Variants in INF2 observed in about 807,000 individuals in gnomAD.
INF2 encodes the protein inverted formin-2.
A neutral mutation model predicts 123.5 loss-of-function variants in INF2; 43 were observed. The observed-to-expected ratio is 0.35, with a 90% confidence interval of 0.27 to 0.45. INF2 has a LOEUF of 0.45. Among genes scored for constraint, INF2 ranks in the 20% least tolerant of loss-of-function variants. The pLI, the probability that INF2 is intolerant of heterozygous loss-of-function variation, is 1.00. For missense variants in INF2, 1,453 were observed against 1,682.7 expected, an observed-to-expected ratio of 0.86 and a Z score of 2.39; for synonymous variants, 851 against 745.0, an observed-to-expected ratio of 1.14 and a Z score of -2.32.
rs200540907 is a variant in INF2, at chr14:104,707,222, C to T, written c.986-31C>T. ...CCATCCCTCCCTCTCCGGCTCCCTTCTCCCTTGACCCTGGACATCCCCTAC... is the reference window on the plus strand; with the variant it reads ...CCATCCCTCCCTCTCCGGCTCCCTTTTCCCTTGACCCTGGACATCCCCTAC... On this transcript the variant is annotated intron_variant, in intron 7 of 22. Transcript: ENST00000392634. 18 of 1,588,246 alleles carry T rather than the reference C, an allele frequency of 1.1e-5. No homozygotes were observed. In the South Asian group the frequency reaches 1.7e-4, roughly 15 times the overall value.
chr14:104,705,908 C>T (rs1889757668), intron 5 of INF2, 127 bp from the exon 6 acceptor site: 2 of 1,200,714 alleles, frequency 1.7e-6, no homozygotes, highest in East Asian at 5.1e-5. Context: ...CCACAGCTGG[C>T]TATGGCCTGG....
upstream of INF2, among the ~76,000 whole-genome samples, chr14:104,689,061 C>T (rs1024691203): frequency 1.3e-5 from 2 of 152,230 alleles, no homozygotes; most frequent in Admixed American, 1.3e-4. Context: ...ACCGCCGAGA[C>T]CCCATCAAGG....
At chr14:104,682,318 C>T (rs4983526) in intron 1 of INF2, among the ~76,000 whole-genome samples, 14,843 of 152,204 alleles carry the variant, frequency 0.098, 1,189 homozygotes, top group East Asian at 0.3. Context: ...CCTTCCCACC[C>T]CTCCTCTGGA....
At position 104,707,108 on chromosome 14, in the gene INF2, A is replaced by G. The variant is rs572883370; in HGVS notation, c.985+57A>G. 5.9e-6 allele frequency: 9 copies of G among 1,533,616 alleles called. No individual in the cohort carries two copies. The South Asian group carries it at 8.3e-5, about 14-fold the overall frequency. Reference sequence around the variant, plus strand: ...CCTGGTGGGCAGACACTGAGGTCTTAGACCATGGGGGGGGGAGCCTGCCCT... The same window carrying G: ...CCTGGTGGGCAGACACTGAGGTCTTGGACCATGGGGGGGGGAGCCTGCCCT... On this transcript the variant is annotated intron_variant, in intron 7 of 22. Coordinates refer to ENST00000392634, the MANE Select transcript of INF2 (RefSeq NM_022489.4).
chr14:104,704,201 C>T (rs1889669167), intron 5 of INF2: 1 of 1,418,952 alleles, frequency 7.0e-7, no homozygotes, highest in African/African-American at 1.4e-5. Flanking sequence ...AGCTCATATC[C>T]TTTGCACACC....
In INF2 at chr14:104,699,584, G is replaced by T. The variant is rs1441754164; in HGVS notation, c.-9-1773G>T. On this transcript the variant is annotated intron_variant, in intron 1 of 22. Coordinates refer to ENST00000392634, the MANE Select transcript of INF2 (RefSeq NM_022489.4). This position sits in a 1 kb window ranked among gnomAD's most constrained non-coding sequence, Gnocchi z 4.7. ...GTGGGTGGGCAGAGGTGGCCGGAAGGTCTTGCGCATCTGGGTGAGTGGACG... is the reference window on the plus strand; with the variant it reads ...GTGGGTGGGCAGAGGTGGCCGGAAGTTCTTGCGCATCTGGGTGAGTGGACG... The T allele has an allele frequency of 1.0e-6, 1 of 985,128 alleles. No homozygotes were observed. The highest frequency in any genetic ancestry group is 1.2e-6 in the Non-Finnish European group (1 of 829,874). 61.0% of individuals were successfully genotyped at this position (985,128 alleles called of 1,614,324 possible). A position where few individuals can be genotyped will look rare whatever the true frequency, so the allele number is the denominator to read the frequency against.
At chr14:104,700,302 G>A (rs547979425) in intron 1 of INF2, among the ~76,000 whole-genome samples, 1 of 152,312 alleles carries the variant, frequency 6.6e-6, no homozygotes, top group South Asian at 2.1e-4. Context: ...CACCTGTTGT[G>A]GGAGGTATAA....
In INF2 at chr14:104,707,033, G is replaced by T; in HGVS notation, c.967G>T (p.Val323Leu). The change falls in exon 7 of 23, where the codon GTG (valine) becomes TTG (leucine). Residue 323 changes from valine to leucine, a missense_variant. Physicochemically the swap from Val to Leu is conservative, Grantham distance 32. Transcript: ENST00000392634. Reference sequence around the variant, plus strand: ...CCTGGAGAGCCTCGTGAACCGGGCCGTGCTCCTGGCCAGCGATGGTGAGGG... The same window carrying T: ...CCTGGAGAGCCTCGTGAACCGGGCCTTGCTCCTGGCCAGCGATGGTGAGGG... ...EALESLVNRA[V>L]LLASDAQECT... 1 of 1,583,820 alleles carries T rather than the reference G, an allele frequency of 6.3e-7. No homozygotes were observed. The highest frequency in any genetic ancestry group is 8.5e-7 in the Non-Finnish European group (1 of 1,172,978).
intron 5 of INF2, 180 bp downstream of exon 5, chr14:104,704,129 C>T: frequency 2.1e-6 from 3 of 1,462,220 alleles, no homozygotes; most frequent in African/African-American, 1.4e-5. Flanking sequence ...GAATCCAGCT[C>T]ACTGTCCCTG....
chr14:104,695,054 C>CG (rs1889122116), intron 1 of INF2, among the ~76,000 whole-genome samples: 1 of 152,236 alleles, frequency 6.6e-6, no homozygotes, highest in African/African-American at 2.4e-5. Context: ...ATGTCTGGTC[C>CG]GGGGGGAGGA....
At chr14:104,712,712 G>T in intron 17 of INF2, 116 bp from the exon 18 acceptor site, 1 of 1,466,202 alleles carries the variant, frequency 6.8e-7, no homozygotes, top group African/African-American at 1.4e-5. Context: ...CCTTGTCAGA[G>T]ACCACCGTCC....
chr14:104,718,923 CCCA>C lies in INF2; in HGVS notation c.*131_*133del. The C allele has an allele frequency of 2.7e-6, 4 of 1,499,284 alleles. No individual in the cohort carries two copies. In the South Asian group the frequency reaches 5.4e-5, roughly 20 times the overall value. The allele number at this position is 1,499,284 out of a possible 1,614,324, so 92.9% of individuals were successfully genotyped here. ...CCGGAAACCAAAACTCCGTGCCTTA[CCCA>C]GCCGGGGCCCTCCTGGAGCCTTCTT... On this transcript the variant is annotated 3_prime_UTR_variant, in exon 23 of 23. Coordinates refer to ENST00000392634, the MANE Select transcript of INF2 (RefSeq NM_022489.4).
rs777201536 is a variant in INF2, at chr14:104,701,590, C to T, written c.225C>T (p.Asp75=). 3.1e-6 allele frequency: 5 copies of T among 1,607,608 alleles called. No individual in the cohort carries two copies. Among genetic ancestry groups the T allele is most frequent in the South Asian group, 1.1e-5 (1 of 90,684 alleles). ...AGTTCCTGGAGCAGAGCGGCCTGGA[C>T]CTGCTGCTGGAGGCGCTGGCGCGGC... ...MVQFLEQSGL[D]LLLEALARLS... The change falls in exon 2 of 23, where the codon GAC becomes GAT. Residue 75 remains aspartate (D), a synonymous_variant. Transcript: ENST00000392634.
At chr14:104,714,948 C>T in intron 21 of INF2, 92 bp downstream of exon 21, 1 of 1,323,888 alleles carries the variant, frequency 7.6e-7, no homozygotes, top group Non-Finnish European at 1.0e-6. Flanking sequence ...CTGCAAGTTC[C>T]AGCGGCACCC....
rs1353150260 is a variant in INF2, at chr14:104,720,649, TC to T, written c.*1858del. The T allele has an allele frequency of 6.4e-5, 4 of 62,804 alleles. No individual in the cohort carries two copies. Among genetic ancestry groups the T allele is most frequent in the South Asian group, 6.6e-4 (1 of 1,522 alleles). The allele number at this position is 62,804 out of a possible 1,614,324, so 3.9% of individuals were successfully genotyped here. On this transcript the variant is annotated 3_prime_UTR_variant, in exon 23 of 23. Coordinates refer to ENST00000392634, the MANE Select transcript of INF2 (RefSeq NM_022489.4). ...GATGCTGCTGTGGACGTCTGCGTCG[TC>T]CTCGTGTGGATGCTGCTGTGGACGT... is the stretch of plus-strand genomic sequence containing the variant.
chr14:104,710,859 G>GC (rs1890016477), intron 13 of INF2, 78 bp from the exon 14 acceptor site: 1 of 1,295,452 alleles, frequency 7.7e-7, no homozygotes, highest in South Asian at 1.3e-5. Context: ...GCACTGGCAA[G>GC]CAGGACCACA....
In INF2 at chr14:104,712,570, G is replaced by A. The variant is rs770255555; in HGVS notation, c.2610+17G>A. ...CGCCTCCAGGCAAGTGGGCACCTGG[G>A]CCTGGGGCTGGCGGGAGAGGCTGCC... On this transcript the variant is annotated intron_variant, in intron 17 of 22. Transcript: ENST00000392634. 1.2e-6 allele frequency: 2 copies of A among 1,612,534 alleles called. No homozygotes were observed. The highest frequency in any genetic ancestry group is 1.7e-6 in the Non-Finnish European group (2 of 1,179,726).
chr14:104,706,702 G>A (rs1371367491), intron 6 of INF2, among the ~76,000 whole-genome samples: 1 of 152,132 alleles, frequency 6.6e-6, no homozygotes, highest in Non-Finnish European at 1.5e-5. Flanking sequence ...CATTGAGTAG[G>A]TAGAGACCAG....
chr14:104,713,827 C>A (rs1381299177), intron 20 of INF2, among the ~76,000 whole-genome samples: 4 of 152,256 alleles, frequency 2.6e-5, no homozygotes, highest in African/African-American at 9.6e-5. Context: ...GCAGGCCCTG[C>A]CCTCAGTGCT....
Sources: gnomAD v4.1 joint callset for allele counts (sites outside exome capture counted in the v4.1 genomes callset) on GRCh38, gnomAD v4.1.1 for gene constraint, Gnocchi (gnomAD v3.1) non-coding constraint, MANE v1.5 for transcripts, NCBI Gene and HGNC (gene_info 2026-07-23, HGNC 2026-07-21) for gene names.